Variants in MAP2K2 observed in about 807,000 individuals in gnomAD.
The protein encoded by MAP2K2 is dual specificity mitogen-activated protein kinase kinase 2.
Under a neutral mutation model 43.7 loss-of-function variants are expected in MAP2K2, and 24 were observed. The observed-to-expected ratio is 0.55, with a 90% CI of 0.40 to 0.77. The LOEUF (loss-of-function observed/expected upper bound fraction) is 0.77, where lower values mean the gene tolerates loss of function less well. MAP2K2 is among the 30% of genes least tolerant of loss of function. The probability of loss-of-function intolerance (pLI) is 0.00; values close to 1 mark genes in which losing one functional copy is unlikely to be tolerated. For missense variants in MAP2K2, 470 were observed against 566.8 expected (o/e 0.83, Z 1.73); for synonymous variants, 244 against 239.7 (o/e 1.02, Z -0.17).
chr19:4,096,511 C>T (rs985149726), intron 8 of MAP2K2, among the ~76,000 whole-genome samples: 1 of 152,172 alleles, frequency 6.6e-6, no homozygotes. Context: ...GGAAGGAGGC[C>T]GCGTCCCTCC....
intron 2 of MAP2K2, among the ~76,000 whole-genome samples, chr19:4,112,860 G>A (rs146687090): frequency 7.2e-5 from 11 of 152,308 alleles, no homozygotes; most frequent in South Asian, 2.1e-4. Context: ...GCTCACTCCC[G>A]TTGCACAAGG....
At chr19:4,114,006 G>A (rs939319323) in intron 2 of MAP2K2, among the ~76,000 whole-genome samples, 8 of 152,214 alleles carry the variant, frequency 5.3e-5, no homozygotes, top group Admixed American at 5.2e-4. Context: ...TCAAAAATTG[G>A]AAGAGAGCCG....
intron 3 of MAP2K2, among the ~76,000 whole-genome samples, chr19:4,105,928 G>T (rs2041080453): frequency 6.6e-6 from 1 of 152,072 alleles, no homozygotes; most frequent in South Asian, 2.1e-4. Flanking sequence ...CTCCCAAAGT[G>T]CTGGGATCAC....
Position 4,090,327 on chromosome 19 carries a change from T to C in MAP2K2, c.*271A>G. On this transcript the variant is annotated 3_prime_UTR_variant, in exon 11 of 11. Transcript: ENST00000262948. ...AAGAAGCAGGATGGCGCGGTTTGCT[T>C]TTTCTCTCCCTGTTTTGTTTTGTAA... The C allele has an allele frequency of 1.7e-6, 1 of 575,486 alleles. No homozygotes were observed. The highest frequency in any genetic ancestry group is 2.0e-5 in the South Asian group (1 of 50,126). 35.6% of individuals were successfully genotyped at this position (575,486 alleles called of 1,614,324 possible).
chr19:4,104,126 G>A (rs565141427), intron 3 of MAP2K2, among the ~76,000 whole-genome samples: 3 of 152,134 alleles, frequency 2.0e-5, no homozygotes, highest in East Asian at 1.9e-4. Flanking sequence ...TTAGCTGGGC[G>A]TGGTGGTGGA....
chr19:4,101,461 C>T lies in MAP2K2; in HGVS notation c.529-181G>A, dbSNP rs149798122. Among the ~76,000 whole-genome samples the T allele has an allele frequency of 0.021, 3,241 of 152,304 alleles. 50 individuals carry two copies. Among genetic ancestry groups the T allele is most frequent in the Non-Finnish European group, 0.033 (2,266 of 68,008 alleles). On this transcript the variant is annotated intron_variant, in intron 4 of 10. Transcript: ENST00000262948. The surrounding 1 kb of genome is among the most constrained non-coding windows in gnomAD (Gnocchi z 6.3). ...GAGGCCAGAGACGAGACAGTGCTGA[C>T]AGCCCTGTGCTGGCGTGTGCAAGTC... is the stretch of plus-strand genomic sequence containing the variant.
chr19:4,092,602 G>A (rs1348838875), intron 10 of MAP2K2, among the ~76,000 whole-genome samples: 1 of 151,852 alleles, frequency 6.6e-6, no homozygotes, highest in South Asian at 2.1e-4. Context: ...GAAAAAAAAA[G>A]TTATTTCAAC....
At chr19:4,114,614 G>A (rs981710436) in intron 2 of MAP2K2, among the ~76,000 whole-genome samples, 9 of 152,196 alleles carry the variant, frequency 5.9e-5, no homozygotes, top group African/African-American at 1.2e-4. Context: ...CAGAGGCCAC[G>A]GTCAAGCCAA....
chr19:4,119,858 C>T (rs1213030213), intron 1 of MAP2K2, among the ~76,000 whole-genome samples: 4 of 152,252 alleles, frequency 2.6e-5, no homozygotes, highest in African/African-American at 4.8e-5. Context: ...GTGGACTGCT[C>T]CTTCCATCTG....
At chr19:4,103,198 G>C in intron 3 of MAP2K2, 2 of 987,888 alleles carry the variant, frequency 2.0e-6, no homozygotes, top group Non-Finnish European at 2.4e-6. Context: ...ACTGTGCCGG[G>C]CATCCTGCGG....
At chr19:4,121,540 ACC>A (rs1187475366) in intron 1 of MAP2K2, among the ~76,000 whole-genome samples, 2 of 78,102 alleles carry the variant, frequency 2.6e-5, no homozygotes, top group Non-Finnish European at 4.8e-5. Context: ...GACCCCTAGG[ACC>A]CCCTGCTCTG....
intron 1 of MAP2K2, among the ~76,000 whole-genome samples, chr19:4,119,550 T>C (rs1229180418): frequency 6.6e-6 from 1 of 152,226 alleles, no homozygotes; most frequent in African/African-American, 2.4e-5. Context: ...ACATTTGATT[T>C]AACCCATCAA....
chr19:4,107,962 G>A (rs932801977), intron 3 of MAP2K2, among the ~76,000 whole-genome samples: 1 of 152,126 alleles, frequency 6.6e-6, no homozygotes, highest in African/African-American at 2.4e-5. Flanking sequence ...CGGTGGGGCC[G>A]AGACCTGACC....
Position 4,121,658 on chromosome 19 carries a change from C to T in MAP2K2, c.92+2126G>A, listed in dbSNP as rs1414324901. ...GGACCCAACCTGACCCCCCCCACAA[C>T]ATGAACCCCCTGGAACCCCTGTCCT... On this transcript the variant is annotated intron_variant, in intron 1 of 10. Coordinates refer to ENST00000262948, the MANE Select transcript of MAP2K2 (RefSeq NM_030662.4). Among the ~76,000 whole-genome samples, 3 of 105,096 alleles carry T rather than the reference C, an allele frequency of 2.9e-5. No homozygotes were observed. In the Admixed American group the frequency reaches 3.0e-4, roughly 10 times the overall value. The allele number at this position is 105,096 out of a possible 152,430, so 68.9% of individuals were successfully genotyped here. A position where few individuals can be genotyped will look rare whatever the true frequency, so the allele number is the denominator to read the frequency against.
intron 3 of MAP2K2, among the ~76,000 whole-genome samples, chr19:4,107,417 G>A (rs1388026546): frequency 1.3e-5 from 2 of 151,602 alleles, no homozygotes; most frequent in Non-Finnish European, 2.9e-5. Flanking sequence ...CCAGCTACTC[G>A]GGAGGCTGAG....
chr19:4,116,101 G>T (rs1014285612), intron 2 of MAP2K2, among the ~76,000 whole-genome samples: 2 of 152,182 alleles, frequency 1.3e-5, no homozygotes, highest in Non-Finnish European at 2.9e-5. Flanking sequence ...GTGCCCAGTT[G>T]TCAAACGCCA....
intron 3 of MAP2K2, 149 bp downstream of exon 3, chr19:4,110,360 T>C (rs1599300009): frequency 1.1e-6 from 1 of 916,966 alleles, no homozygotes; most frequent in East Asian, 2.5e-5. Flanking sequence ...TATACATACT[T>C]GTATGGCATC....
Position 4,097,333 on chromosome 19 carries a change from C to T in MAP2K2, c.930G>A (p.Met310Ile), listed in dbSNP as rs762635761. 1.2e-6 allele frequency: 2 copies of T among 1,612,754 alleles called. No homozygotes were observed. The highest frequency in any genetic ancestry group is 8.5e-7 in the Non-Finnish European group (1 of 1,179,628). Residue 310 changes from methionine (M) to isoleucine (I), a missense_variant, in exon 8 of 11, where the codon ATG becomes ATA. Around this residue, in one of 3 missense-constraint regions of MAP2K2, gnomAD observed 212 missense variants for 220.8 expected, o/e 0.96. Coordinates refer to ENST00000262948, the MANE Select transcript of MAP2K2 (RefSeq NM_030662.4). ...PPGRPVSGHG[M>I]DSRPAMAIFE... is the part of the protein sequence containing the mutation. ...AGATGGCCATGGCAGGCCGGCTATC[C>T]ATCCCGTGACCTGCACAGGGAGAGA... is the stretch of plus-strand genomic sequence containing the variant.
chr19:4,100,885 CTGGGAGGGACAGCTGCGCAGGAGACA>C lies in MAP2K2; in HGVS notation c.705+108_705+133del. The C allele has an allele frequency of 3.8e-6, 4 of 1,049,164 alleles. No individual in the cohort carries two copies. In the South Asian group the frequency reaches 6.0e-5, roughly 16 times the overall value. 65.0% of individuals were successfully genotyped at this position (1,049,164 alleles called of 1,614,324 possible). ...AGGCGGGGAGAGCTGCGCAGGAGAA[CTGGGAGGGACAGCTGCGCAGGAGACA>C]TGGGGGTGAGAGCTGAGGGGGAGAG... is the stretch of plus-strand genomic sequence containing the variant. On this transcript the variant is annotated intron_variant, in intron 6 of 10. Coordinates refer to ENST00000262948, the MANE Select transcript of MAP2K2 (RefSeq NM_030662.4).
Sources: allele counts gnomAD v4.1 joint callset (sites outside exome capture counted in the v4.1 genomes callset), GRCh38; gene constraint gnomAD v4.1.1; regional missense constraint gnomAD v4.1.1; non-coding constraint Gnocchi (gnomAD v3.1); transcripts MANE v1.5; gene names NCBI Gene and HGNC (gene_info 2026-07-23, HGNC 2026-07-21).